Variants in ARHGAP31 observed in about 807,000 individuals in gnomAD.
The protein encoded by ARHGAP31 is rho GTPase-activating protein 31.
Under a neutral mutation model 113.9 loss-of-function variants are expected in ARHGAP31, and 34 were observed. That is an observed-to-expected ratio of 0.30 (90% confidence interval 0.23 to 0.40). The LOEUF (loss-of-function observed/expected upper bound fraction) is 0.40. ARHGAP31 is among the 10% of genes least tolerant of loss of function. The pLI, the probability that ARHGAP31 is intolerant of heterozygous loss-of-function variation, is 1.00. For synonymous variants in ARHGAP31, 650 were observed against 684.8 expected (o/e 0.95, Z 0.79); for missense variants, 1,548 against 1,767.1 (o/e 0.88, Z 2.22).
At chr3:119,337,091 G>T (rs374701910) in intron 1 of ARHGAP31, among the ~76,000 whole-genome samples, 11 of 152,254 alleles carry the variant, frequency 7.2e-5, no homozygotes, top group African/African-American at 2.4e-4. Context: ...TTTGGCTGTT[G>T]TGAATAATGG....
Position 119,332,688 on chromosome 3 carries a change from C to T in ARHGAP31, c.101-32628C>T, listed in dbSNP as rs140756904. On this transcript the variant is annotated intron_variant, in intron 1 of 11. Coordinates refer to ENST00000264245, the MANE Select transcript of ARHGAP31 (RefSeq NM_020754.4). The stretch of plus-strand genomic sequence containing the variant: ...ACACACACACACACGCATGCACGCA[C>T]GACTTTCAGACCTGTATTGGTACTC... Among the ~76,000 whole-genome samples the T allele has an allele frequency of 5.4e-5, 8 of 149,036 alleles. No homozygotes were observed. The East Asian group carries it at 1.2e-3, about 22-fold the overall frequency.
chr3:119,351,869 C>A (rs2080113626), intron 1 of ARHGAP31, among the ~76,000 whole-genome samples: 1 of 152,188 alleles, frequency 6.6e-6, no homozygotes, highest in Non-Finnish European at 1.5e-5. Flanking sequence ...AGCTGCTCAT[C>A]CAGTAAATAA....
chr3:119,419,645 G>A lies in ARHGAP31; in HGVS notation c.*3381G>A, dbSNP rs772406917. 3 of 152,172 alleles carry A rather than the reference G, an allele frequency of 2.0e-5. No individual in the cohort carries two copies. The highest frequency in any genetic ancestry group is 2.9e-5 in the Non-Finnish European group (2 of 68,034). The allele number at this position is 152,172 out of a possible 1,614,324, so 9.4% of individuals were successfully genotyped here. On this transcript the variant is annotated 3_prime_UTR_variant, in exon 12 of 12. Transcript: ENST00000264245. Reference sequence around the variant, plus strand: ...AGAACCATTAAGTTGCCAAACAAAAGCAGAAGGGGAAAAAGTGTGGCAACA... The same window carrying A: ...AGAACCATTAAGTTGCCAAACAAAAACAGAAGGGGAAAAAGTGTGGCAACA...
At chr3:119,297,368 C>T (rs1421685611) in intron 1 of ARHGAP31, among the ~76,000 whole-genome samples, 1 of 152,210 alleles carries the variant, frequency 6.6e-6, no homozygotes, top group African/African-American at 2.4e-5. Context: ...CCTCTGCCCA[C>T]CACCTTGGAA....
At position 119,414,764 on chromosome 3, in the gene ARHGAP31, C is replaced by T. The variant is rs2080756766; in HGVS notation, c.2835C>T (p.His945=). The T allele has an allele frequency of 2.5e-6, 4 of 1,614,102 alleles. No homozygotes were observed. Among genetic ancestry groups the T allele is most frequent in the African/African-American group, 2.7e-5 (2 of 74,936 alleles). Residue 945 remains histidine (H), a synonymous_variant, in exon 12 of 12, where the codon CAC becomes CAT. Transcript: ENST00000264245. ...QGHQLEKRLS[H]RPSLRQSHSL... is the part of the protein sequence containing the mutation. The stretch of plus-strand genomic sequence containing the variant: ...ACCAGTTGGAGAAGAGGCTTTCCCA[C>T]AGGCCCAGCCTTCGCCAGAGCCATT...
intron 10 of ARHGAP31, among the ~76,000 whole-genome samples, chr3:119,403,160 G>A (rs1360370087): frequency 6.6e-6 from 1 of 152,076 alleles, no homozygotes; most frequent in Non-Finnish European, 1.5e-5. Flanking sequence ...ACCAACAAAT[G>A]TTTATTGTGA....
chr3:119,326,576 A>G (rs1013840384), intron 1 of ARHGAP31, among the ~76,000 whole-genome samples: 1 of 152,182 alleles, frequency 6.6e-6, no homozygotes, highest in African/African-American at 2.4e-5. Flanking sequence ...GTCCAGTATA[A>G]CTGATGGGGA....
At chr3:119,358,656 G>C (rs958675439) in intron 1 of ARHGAP31, among the ~76,000 whole-genome samples, 1 of 152,156 alleles carries the variant, frequency 6.6e-6, no homozygotes, top group African/African-American at 2.4e-5. Context: ...ATTTTATTCA[G>C]CCATAAAAAT....
intron 1 of ARHGAP31, among the ~76,000 whole-genome samples, chr3:119,312,349 T>C (rs369948194): frequency 1.3e-5 from 2 of 152,272 alleles, no homozygotes; most frequent in African/African-American, 4.8e-5. Context: ...GTCCTGTGGA[T>C]GATAACTAGA....
chr3:119,300,674 C>CA (rs893925902), intron 1 of ARHGAP31, among the ~76,000 whole-genome samples: 12 of 150,386 alleles, frequency 8.0e-5, no homozygotes, highest in East Asian at 1.9e-4. Context: ...ACTAAAAATA[C>CA]AAAAAAAAAT....
At chr3:119,329,373 C>T (rs188347404) in intron 1 of ARHGAP31, among the ~76,000 whole-genome samples, 1 of 152,320 alleles carries the variant, frequency 6.6e-6, no homozygotes, top group East Asian at 1.9e-4. Context: ...ACACCACAGG[C>T]TCCTGGAAGT....
At chr3:119,402,424 C>T in intron 10 of ARHGAP31, 27 bp downstream of exon 10, 1 of 1,605,810 alleles carries the variant, frequency 6.2e-7, no homozygotes, top group East Asian at 2.2e-5. Flanking sequence ...GGGTATCTTT[C>T]CGTTGCAAGA....
rs1441856407 is a variant in ARHGAP31, at chr3:119,409,650, T to C, written c.1800T>C (p.Asn600=). ...PESSLSSQHL[N]ELEKRPNPEK... is the part of the protein sequence containing the mutation. ...GCTCCTTGAGCTCTCAACATTTAAA[T>C]GAATTAGAGAAGAGGCCAAATCCGG... Residue 600 remains asparagine (N), a synonymous_variant, in exon 11 of 12, where the codon AAT becomes AAC. Coordinates refer to ENST00000264245, the MANE Select transcript of ARHGAP31 (RefSeq NM_020754.4). The C allele has an allele frequency of 6.2e-7, 1 of 1,612,586 alleles. No homozygotes were observed. The highest frequency in any genetic ancestry group is 1.3e-5 in the African/African-American group (1 of 74,776).
rs576494332 is a variant in ARHGAP31 at position 119,411,885 on chromosome 3, A to G, written c.1927-1971A>G. ...GTTGAATCAAAGATGAATAAACACA[A>G]TCCTGACCTCAAGAAGCTCACAGTC... is the stretch of plus-strand genomic sequence containing the variant. On this transcript the variant is annotated intron_variant, in intron 11 of 11. Transcript: ENST00000264245. Among the ~76,000 whole-genome samples, 70 of 152,314 alleles carry G rather than the reference A, an allele frequency of 4.6e-4. No individual in the cohort carries two copies. The South Asian group carries it at 0.014, about 30-fold the overall frequency.
At chr3:119,397,766 A>G (rs2107638560) in intron 8 of ARHGAP31, among the ~76,000 whole-genome samples, 1 of 152,354 alleles carries the variant, frequency 6.6e-6, no homozygotes, top group South Asian at 2.1e-4. Flanking sequence ...CTTGAGTTAC[A>G]GCTCAATTTT....
intron 7 of ARHGAP31, 91 bp from the exon 8 acceptor site, chr3:119,393,376 G>A: frequency 6.7e-7 from 1 of 1,497,782 alleles, no homozygotes; most frequent in Non-Finnish European, 9.3e-7. Flanking sequence ...ATTCATAACT[G>A]AGGACATAAC....
chr3:119,420,386 AG>A lies in ARHGAP31; in HGVS notation c.*4123del, dbSNP rs200927208. On this transcript the variant is annotated 3_prime_UTR_variant, in exon 12 of 12. Transcript: ENST00000264245. ...CCTTTCCTAGCAAAACAAGGCCAGA[AG>A]AGGGAGCAAGCATCTTTCCAAGCAT... 0.16 allele frequency: 23,914 copies of A among 152,284 alleles called. 2,450 individuals carry two copies. The highest frequency in any genetic ancestry group is 0.27 in the East Asian group (1,395 of 5,170). 9.4% of individuals were successfully genotyped at this position (152,284 alleles called of 1,614,324 possible). A position where few individuals can be genotyped will look rare whatever the true frequency, so the allele number is the denominator to read the frequency against.
intron 3 of ARHGAP31, among the ~76,000 whole-genome samples, chr3:119,373,463 GGT>G (rs2080320577): frequency 6.6e-6 from 1 of 150,466 alleles, no homozygotes; most frequent in African/African-American, 2.4e-5. Flanking sequence ...TGGCTTTTTT[GGT>G]TGTTTGTTTG....
chr3:119,296,063 T>C (rs889014112), intron 1 of ARHGAP31, among the ~76,000 whole-genome samples: 2 of 152,210 alleles, frequency 1.3e-5, no homozygotes, highest in African/African-American at 2.4e-5. Context: ...TGTGTAACCG[T>C]GCGGAATAAT....
Sources: allele counts gnomAD v4.1 joint callset (sites outside exome capture counted in the v4.1 genomes callset), GRCh38; gene constraint gnomAD v4.1.1; transcripts MANE v1.5; gene names NCBI Gene and HGNC (gene_info 2026-07-23, HGNC 2026-07-21).